Variants in ABCC2 observed in about 807,000 individuals in gnomAD.
The protein encoded by ABCC2 is ATP-binding cassette sub-family C member 2.
A neutral mutation model predicts 173.4 loss-of-function variants in ABCC2; 157 were observed. The ratio of observed to expected loss-of-function variants is 0.91; its 90% CI spans 0.80 to 1.03. The LOEUF is 1.03. ABCC2 is among the 50% of genes least tolerant of loss of function. ABCC2 has a pLI of 0.00. For missense variants in ABCC2, 1,822 were observed against 1,852.3 expected (o/e 0.98, Z 0.30); for synonymous variants, 657 against 693.5 (o/e 0.95, Z 0.83).
Position 99,793,965 on chromosome 10 carries a change from T to C in ABCC2, c.542T>C (p.Phe181Ser). The C allele has an allele frequency of 6.2e-7, 1 of 1,612,862 alleles. No homozygotes were observed. Among genetic ancestry groups the C allele is most frequent in the Non-Finnish European group, 8.5e-7 (1 of 1,178,992 alleles). ...SYGFQILILI[F>S]SAFSENNESS... ...GGATTCCAGATCCTGATCCTGATCT[T>C]TTCAGCATTTTCAGAAAATAATGAG... The change falls in exon 5 of 32, where the codon TTT becomes TCT. Residue 181 changes from phenylalanine (F) to serine (S), a missense_variant. By Grantham distance (155) the Phe-to-Ser change is radical (BLOSUM62 -2). Coordinates refer to ENST00000647814, the MANE Select transcript of ABCC2 (RefSeq NM_000392.5).
rs2037968157 is a variant in ABCC2, at chr10:99,799,117, C to T, written c.868-90C>T. 2.7e-6 allele frequency: 4 copies of T among 1,456,194 alleles called. No individual in the cohort carries two copies. The South Asian group carries it at 3.5e-5, about 13-fold the overall frequency. 90.2% of individuals were successfully genotyped at this position (1,456,194 alleles called of 1,614,324 possible). A position where few individuals can be genotyped will look rare whatever the true frequency, so the allele number is the denominator to read the frequency against. ...ATGATCAAAACCTGTACAGAGAAGG[C>T]CACGGGGCTCACAGGCTGACCACCC... On this transcript the variant is annotated intron_variant, in intron 7 of 31. Coordinates refer to ENST00000647814, the MANE Select transcript of ABCC2 (RefSeq NM_000392.5).
At chr10:99,799,169 A>G (rs1448895901) in intron 7 of ABCC2, 38 bp from the exon 8 acceptor site, 1 of 1,612,394 alleles carries the variant, frequency 6.2e-7, no homozygotes, top group Admixed American at 1.7e-5. Flanking sequence ...AGTAACAGAC[A>G]TAACTCTGTG....
intron 28 of ABCC2, 132 bp downstream of exon 28, chr10:99,844,597 C>T: frequency 8.2e-7 from 1 of 1,224,714 alleles, no homozygotes; most frequent in Non-Finnish European, 1.2e-6. Context: ...TTCCTCTGCC[C>T]TGGGGAGGTG....
intron 13 of ABCC2, 80 bp downstream of exon 13, chr10:99,808,309 A>G: frequency 6.4e-7 from 1 of 1,557,058 alleles, no homozygotes; most frequent in South Asian, 1.1e-5. Flanking sequence ...ATCACATCCC[A>G]TGTCTAACTT....
chr10:99,837,029 A>G (rs1280050500), intron 25 of ABCC2, among the ~76,000 whole-genome samples: 1 of 152,254 alleles, frequency 6.6e-6, no homozygotes, highest in Non-Finnish European at 1.5e-5. Context: ...GAAAAGGCAT[A>G]TAAGTAAATC....
chr10:99,783,295 T>C (rs1351868780), intron 1 of ABCC2, among the ~76,000 whole-genome samples: 1 of 152,232 alleles, frequency 6.6e-6, no homozygotes, highest in Non-Finnish European at 1.5e-5. Context: ...TGGCAACTAA[T>C]GATATGGACT....
At chr10:99,827,226 G>A (rs912600620) in intron 19 of ABCC2, among the ~76,000 whole-genome samples, 44 of 152,318 alleles carry the variant, frequency 2.9e-4, no homozygotes, top group African/African-American at 9.6e-4. Flanking sequence ...TTTAACCTGC[G>A]TTTGAGGTTG....
At position 99,817,811 on chromosome 10, in the gene ABCC2, G is replaced by A. The variant is rs114150276; in HGVS notation, c.2271+327G>A. ...GGGGCAGAAGTGGGACCAGAGCCTAGGTGTCCTGATTCTACTTCTGTATCA... is the reference window on the plus strand; with the variant it reads ...GGGGCAGAAGTGGGACCAGAGCCTAAGTGTCCTGATTCTACTTCTGTATCA... On this transcript the variant is annotated intron_variant, in intron 17 of 31. Transcript: ENST00000647814. Among the ~76,000 whole-genome samples, 1,516 of 152,316 alleles carry A rather than the reference G, an allele frequency of 1.0e-2. 24 individuals are homozygous for A. The highest frequency in any genetic ancestry group is 0.041 in the Middle Eastern group (12 of 294).
chr10:99,834,587 C>T (rs2038789634), intron 24 of ABCC2, 52 bp downstream of exon 24: 3 of 1,580,678 alleles, frequency 1.9e-6, no homozygotes, highest in East Asian at 2.2e-5. Flanking sequence ...TCTATAAAAG[C>T]CCAGCCTCTT....
In ABCC2 at chr10:99,782,732, A is replaced by C; in HGVS notation, c.-113A>C. ...GATGAAAGGTCATCCTTTACGGAGA[A>C]CATCAGAATGGTAGATAATTCCTGT... is the stretch of plus-strand genomic sequence containing the variant. On this transcript the variant is annotated 5_prime_UTR_variant, in exon 1 of 32. Coordinates refer to ENST00000647814, the MANE Select transcript of ABCC2 (RefSeq NM_000392.5). The C allele has an allele frequency of 8.1e-7, 1 of 1,228,594 alleles. No homozygotes were observed. The highest frequency in any genetic ancestry group is 1.2e-6 in the Non-Finnish European group (1 of 837,820). The allele number at this position is 1,228,594 out of a possible 1,614,324, so 76.1% of individuals were successfully genotyped here.
Position 99,799,451 on chromosome 10 carries a change from C to A in ABCC2, c.1031+81C>A, listed in dbSNP as rs1403117641. 4.0e-5 allele frequency: 60 copies of A among 1,495,358 alleles called. 1 individual carries two copies. The highest frequency in any genetic ancestry group is 4.6e-6 in the Non-Finnish European group (5 of 1,078,278). The allele number at this position is 1,495,358 out of a possible 1,614,324, so 92.6% of individuals were successfully genotyped here. ...TTGCCACTGTGTATGCAAGCAGGAG[C>A]TTTTCTTAAATTCCCATTTTTTAAA... On this transcript the variant is annotated intron_variant, in intron 8 of 31. Coordinates refer to ENST00000647814, the MANE Select transcript of ABCC2 (RefSeq NM_000392.5).
Position 99,836,211 on chromosome 10 carries a change from C to G in ABCC2, c.3535C>G (p.Gln1179Glu), listed in dbSNP as rs2038820459. 1.9e-6 allele frequency: 3 copies of G among 1,614,188 alleles called. No individual in the cohort carries two copies. Among genetic ancestry groups the G allele is most frequent in the Non-Finnish European group, 8.5e-7 (1 of 1,180,042 alleles). The change falls in exon 25 of 32, where the codon CAG becomes GAG. Residue 1179 changes from glutamine (Q) to glutamate (E), a missense_variant. Coordinates refer to ENST00000647814, the MANE Select transcript of ABCC2 (RefSeq NM_000392.5). Reference sequence around the variant, plus strand: ...GCCAGTTATCCGTGCCTTTGAGCACCAGCAGCGATTTCTGAAACACAATGA... The same window carrying G: ...GCCAGTTATCCGTGCCTTTGAGCACGAGCAGCGATTTCTGAAACACAATGA... ...GLPVIRAFEH[Q>E]QRFLKHNEVR...
At position 99,808,156 on chromosome 10, in the gene ABCC2, C is replaced by G; in HGVS notation, c.1742C>G (p.Thr581Ser). ...ATTTTGGATGCACAAAAGGCCTTCA[C>G]CTCCATTACCCTCTTCAATATCCTG... ...NNILDAQKAF[T>S]SITLFNILRF... is the part of the protein sequence containing the mutation. Residue 581 changes from threonine (T) to serine (S), a missense_variant, in exon 13 of 32, where the codon ACC (threonine) becomes AGC (serine). Transcript: ENST00000647814. The G allele has an allele frequency of 6.2e-7, 1 of 1,614,072 alleles. No homozygotes were observed. The highest frequency in any genetic ancestry group is 8.5e-7 in the Non-Finnish European group (1 of 1,179,956).
chr10:99,841,334 C>T (rs764111902), intron 25 of ABCC2, among the ~76,000 whole-genome samples: 154 of 152,216 alleles, frequency 1.0e-3, no homozygotes, highest in Non-Finnish European at 2.1e-3. Context: ...AAGCAGAACA[C>T]GTGAGCCCAG....
chr10:99,819,405 T>G, intron 19 of ABCC2, 136 bp downstream of exon 19: 1 of 900,012 alleles, frequency 1.1e-6, no homozygotes. Flanking sequence ...AACTCTGCTT[T>G]CTGGGTTCTG....
At chr10:99,808,521 C>A (rs930080487) in intron 13 of ABCC2, among the ~76,000 whole-genome samples, 9 of 152,116 alleles carry the variant, frequency 5.9e-5, no homozygotes, top group Non-Finnish European at 1.3e-4. Context: ...GTACTGGGAA[C>A]ATTTCCCAGC....
At chr10:99,811,455 G>A in intron 14 of ABCC2, 81 bp from the exon 15 acceptor site, 1 of 1,384,206 alleles carries the variant, frequency 7.2e-7, no homozygotes, top group South Asian at 1.2e-5. Flanking sequence ...GGAGCTGATG[G>A]AGAAAGCGGA....
intron 2 of ABCC2, among the ~76,000 whole-genome samples, chr10:99,786,396 G>A (rs1173660892): frequency 2.6e-5 from 4 of 152,244 alleles, no homozygotes; most frequent in African/African-American, 7.2e-5. Flanking sequence ...TTGGAATTGA[G>A]TCATTGTTCG....
chr10:99,782,689 T>G lies in ABCC2; in HGVS notation c.-156T>G, dbSNP rs1458096991. On this transcript the variant is annotated 5_prime_UTR_variant, in exon 1 of 32. Coordinates refer to ENST00000647814, the MANE Select transcript of ABCC2 (RefSeq NM_000392.5). ...AATGTAACATGCATCTAGGCAAGGT[T>G]AACGATTAAATGGTTGGGATGAAAG... is the stretch of plus-strand genomic sequence containing the variant. The G allele has an allele frequency of 4.7e-6, 4 of 859,686 alleles. No homozygotes were observed. The highest frequency in any genetic ancestry group is 7.5e-6 in the Non-Finnish European group (4 of 536,064). 53.3% of individuals were successfully genotyped at this position (859,686 alleles called of 1,614,324 possible).
Sources: gnomAD v4.1 joint callset for allele counts (sites outside exome capture counted in the v4.1 genomes callset) on GRCh38, gnomAD v4.1.1 for gene constraint, MANE v1.5 for transcripts, NCBI Gene and HGNC (gene_info 2026-07-23, HGNC 2026-07-21) for gene names.